Variants in ANKRD29 observed in about 807,000 individuals in gnomAD.
The protein encoded by ANKRD29 is ankyrin repeat domain-containing protein 29.
A neutral mutation model predicts 38.0 loss-of-function variants in ANKRD29; 32 were observed. The ratio of observed to expected loss-of-function variants is 0.84; its 90% CI spans 0.64 to 1.13. ANKRD29 has a LOEUF of 1.13. Ranked by LOEUF, ANKRD29 falls within the 50% of genes most tolerant of loss-of-function variation. The pLI, the probability that ANKRD29 is intolerant of heterozygous loss-of-function variation, is 0.00. For synonymous variants in ANKRD29, 135 were observed against 152.4 expected (o/e 0.89, Z 0.84); for missense variants, 357 against 377.9 (o/e 0.94, Z 0.46).
At chr18:23,661,706 T>C (rs1168621049) in intron 1 of ANKRD29, among the ~76,000 whole-genome samples, 2 of 152,092 alleles carry the variant, frequency 1.3e-5, no homozygotes, top group African/African-American at 4.8e-5. Flanking sequence ...CAAAACTCCG[T>C]CTCAGGAAAA....
At chr18:23,647,219 C>G (rs896392690) in intron 2 of ANKRD29, 15 of 152,140 alleles carry the variant, frequency 9.9e-5, no homozygotes, top group Admixed American at 3.9e-4. Context: ...ATCATGTAAC[C>G]CTTAAGTCTC....
chr18:23,624,391 C>T (rs1030699209), intron 6 of ANKRD29, among the ~76,000 whole-genome samples: 3 of 138,512 alleles, frequency 2.2e-5, no homozygotes, highest in Admixed American at 8.2e-5. Context: ...CACTTGAGCC[C>T]GGGAGGCAGA....
intron 1 of ANKRD29, among the ~76,000 whole-genome samples, chr18:23,659,473 G>C (rs540279772): frequency 6.6e-6 from 1 of 152,130 alleles, no homozygotes; most frequent in African/African-American, 2.4e-5. Context: ...GGCTGGGTGC[G>C]GTGGCTTATG....
rs1394794355 is a variant in ANKRD29, at chr18:23,602,882, AT to A, written c.823-1574del. The stretch of plus-strand genomic sequence containing the variant: ...AGTTAATATAGTTATGAAAAATTAA[AT>A]TTTCAAAAACAAGTAAAAATTCTCA... On this transcript the variant is annotated intron_variant, in intron 9 of 9. Transcript: ENST00000592179. 2.6e-5 allele frequency among the ~76,000 whole-genome samples: 4 copies of A among 152,348 alleles called. No individual in the cohort carries two copies. The East Asian group carries it at 7.7e-4, about 29-fold the overall frequency.
chr18:23,630,000 A>G (rs2059909330), intron 5 of ANKRD29, 49 bp from the exon 6 acceptor site: 1 of 1,518,868 alleles, frequency 6.6e-7, no homozygotes. Context: ...TTTCACACTT[A>G]TTTTAAAAGA....
At chr18:23,626,741 A>G in intron 6 of ANKRD29, among the ~76,000 whole-genome samples, 1 of 152,246 alleles carries the variant, frequency 6.6e-6, no homozygotes. Context: ...ATAGAGTTAC[A>G]AAGAAAAGTC....
At position 23,634,073 on chromosome 18, in the gene ANKRD29, G is replaced by C. The variant is rs2059968943; in HGVS notation, c.407C>G (p.Ala136Gly). The C allele has an allele frequency of 6.2e-7, 1 of 1,613,996 alleles. No homozygotes were observed. Among genetic ancestry groups the C allele is most frequent in the South Asian group, 1.1e-5 (1 of 91,084 alleles). The change falls in exon 5 of 10, where the codon GCA becomes GGA. Residue 136 changes from alanine to glycine, a missense_variant. Coordinates refer to ENST00000592179, the MANE Select transcript of ANKRD29 (RefSeq NM_173505.4). ...QVVETLLKHG[A>G]NIHDQLYDGA... ...CACATAAAGTTGGTCATGGATGTTT[G>C]CTCCGTGCTTCAGCAAGGTCTCCAC...
intron 6 of ANKRD29, among the ~76,000 whole-genome samples, chr18:23,622,375 C>A (rs368951625): frequency 7.2e-5 from 11 of 152,092 alleles, no homozygotes; most frequent in Admixed American, 3.9e-4. Flanking sequence ...CTTCTCCCTC[C>A]GTGCCTGCTC....
In ANKRD29 at chr18:23,660,036, G is replaced by A. The variant is rs534915910; in HGVS notation, c.21+2674C>T. ...TGAGGCAGGAGAATTGCTTGAGCCC[G>A]GGAGGCAGAAGTTGCAGTGAGCTGA... On this transcript the variant is annotated intron_variant, in intron 1 of 9. Coordinates refer to ENST00000592179, the MANE Select transcript of ANKRD29 (RefSeq NM_173505.4). 2.0e-4 allele frequency among the ~76,000 whole-genome samples: 30 copies of A among 152,232 alleles called. No individual in the cohort carries two copies. In the South Asian group the frequency reaches 5.4e-3, roughly 27 times the overall value.
In ANKRD29 at chr18:23,649,141, A is replaced by G. The variant is rs2060178947; in HGVS notation, c.74T>C (p.Leu25Pro). The change falls in exon 2 of 10, where the codon CTG becomes CCG. Residue 25 changes from leucine (L) to proline (P), a missense_variant. Leu to Pro is a moderately conservative substitution (Grantham distance 98). Coordinates refer to ENST00000592179, the MANE Select transcript of ANKRD29 (RefSeq NM_173505.4). Reference sequence around the variant, plus strand: ...GTTCAACAGCAGCTTCAGCAGCGCCAGGTTTCCTCTCCTGGCTGCCCAGAA... The same window carrying G: ...GTTCAACAGCAGCTTCAGCAGCGCCGGGTTTCCTCTCCTGGCTGCCCAGAA... ...AAFWAARRGN[L>P]ALLKLLLNSG... The G allele has an allele frequency of 8.1e-6, 13 of 1,614,090 alleles. No homozygotes were observed. The highest frequency in any genetic ancestry group is 2.7e-5 in the African/African-American group (2 of 74,942).
intron 1 of ANKRD29, among the ~76,000 whole-genome samples, chr18:23,649,793 G>C (rs986299633): frequency 1.3e-5 from 2 of 151,870 alleles, no homozygotes; most frequent in Non-Finnish European, 2.9e-5. Context: ...GCAGTGGTGT[G>C]ATCTTGGCTC....
intron 9 of ANKRD29, among the ~76,000 whole-genome samples, chr18:23,608,789 G>A (rs1344234680): frequency 1.3e-5 from 2 of 152,104 alleles, no homozygotes; most frequent in African/African-American, 4.8e-5. Context: ...TTCTTGCCTG[G>A]GGACCAGTCT....
intron 6 of ANKRD29, chr18:23,619,843 C>A: frequency 2.1e-6 from 1 of 475,578 alleles, no homozygotes. Flanking sequence ...CGTGGCTGAG[C>A]CTGGGCTACT....
chr18:23,634,209 G>A, intron 4 of ANKRD29, 60 bp from the exon 5 acceptor site: 3 of 1,280,026 alleles, frequency 2.3e-6, no homozygotes, highest in South Asian at 2.4e-5. Flanking sequence ...TTCACCAGCA[G>A]ATGTTCCTCA....
chr18:23,653,505 T>A (rs1161126638), intron 1 of ANKRD29, among the ~76,000 whole-genome samples: 1 of 152,182 alleles, frequency 6.6e-6, no homozygotes, highest in African/African-American at 2.4e-5. Context: ...CATCTTGGCC[T>A]CCCAAAGTGC....
At chr18:23,604,202 T>C (rs1240649087) in intron 9 of ANKRD29, among the ~76,000 whole-genome samples, 1 of 152,214 alleles carries the variant, frequency 6.6e-6, no homozygotes, top group African/African-American at 2.4e-5. Flanking sequence ...ATCTACTTTT[T>C]TGTGTTTCCT....
chr18:23,633,910 T>C (rs2059966713), intron 5 of ANKRD29, 141 bp downstream of exon 5: 7 of 796,958 alleles, frequency 8.8e-6, no homozygotes, highest in Non-Finnish European at 1.5e-5. Flanking sequence ...TCTGGTCCGC[T>C]ATATATTTTT....
At chr18:23,606,749 A>G (rs1299264831) in intron 9 of ANKRD29, among the ~76,000 whole-genome samples, 1 of 152,206 alleles carries the variant, frequency 6.6e-6, no homozygotes, top group Non-Finnish European at 1.5e-5. Flanking sequence ...CCTATAGTTC[A>G]GCTACTCAGG....
At chr18:23,615,013 C>T (rs549540386) in intron 8 of ANKRD29, among the ~76,000 whole-genome samples, 20 of 152,266 alleles carry the variant, frequency 1.3e-4, no homozygotes, top group African/African-American at 3.6e-4. Context: ...AAGCTAAGAA[C>T]GGCTTCTACT....
Sources: gnomAD v4.1 joint callset for allele counts (sites outside exome capture counted in the v4.1 genomes callset) on GRCh38, gnomAD v4.1.1 for gene constraint, MANE v1.5 for transcripts, NCBI Gene and HGNC (gene_info 2026-07-23, HGNC 2026-07-21) for gene names.